AP2A2: variants seen among roughly 807,000 people sequenced by gnomAD.
AP2A2 encodes adaptor related protein complex 2 subunit alpha 2.
AP2A2 carries 32 observed loss-of-function variants against 104.2 expected under a neutral mutation model. The ratio of observed to expected loss-of-function variants is 0.31; its 90% CI spans 0.23 to 0.41. The LOEUF is 0.41. Among genes scored for constraint, AP2A2 ranks in the 10% least tolerant of loss-of-function variants. The pLI, the probability that AP2A2 is intolerant of heterozygous loss-of-function variation, is 1.00. For missense variants in AP2A2, 912 were observed against 1,261.0 expected (o/e 0.72, Z 4.19); for synonymous variants, 539 against 533.3 (o/e 1.01, Z -0.15).
At chr11:995,800 CCT>C (rs1855838814) in intron 14 of AP2A2, among the ~76,000 whole-genome samples, 1 of 142,618 alleles carries the variant, frequency 7.0e-6, no homozygotes, top group Non-Finnish European at 1.5e-5. Flanking sequence ...CCCCCCGTGC[CCT>C]CTCTCTGTGT....
intron 1 of AP2A2, chr11:957,080 T>C (rs879443157): frequency 1.3e-5 from 2 of 152,246 alleles, no homozygotes; most frequent in Non-Finnish European, 2.9e-5. Flanking sequence ...CATGACAGAC[T>C]GTGAATGGAC....
At chr11:997,110 A>G (rs1855881735) in intron 14 of AP2A2, among the ~76,000 whole-genome samples, 1 of 152,156 alleles carries the variant, frequency 6.6e-6, no homozygotes, top group Non-Finnish European at 1.5e-5. Flanking sequence ...TCAGGGTGGC[A>G]TCAGCACATG....
Position 993,872 on chromosome 11 carries a change from A to G in AP2A2, c.1669A>G (p.Thr557Ala). The change falls in exon 13 of 22, where the codon ACC (threonine) becomes GCC (alanine). Residue 557 changes from threonine (T) to alanine (A), a missense_variant. By Grantham distance (58) the Thr-to-Ala change is moderately conservative. Around this residue, in one of 7 missense-constraint regions of AP2A2, gnomAD observed 137 missense variants for 186.9 expected, o/e 0.73. Coordinates refer to ENST00000448903, the MANE Select transcript of AP2A2 (RefSeq NM_012305.4). The surrounding 1 kb of genome is among the most constrained non-coding windows in gnomAD (Gnocchi z 8.2). ...GAACCTCTTCCCGGAGGTGAAGCCC[A>G]CCATCCAGGACGTGCTGCGCAGCGA... is the stretch of plus-strand genomic sequence containing the variant. Reference protein sequence around the residue: ...FVNLFPEVKPTIQDVLRSDSQ... With the variant: ...FVNLFPEVKPAIQDVLRSDSQ... 1 of 1,610,138 alleles carries G rather than the reference A, an allele frequency of 6.2e-7. No homozygotes were observed. The highest frequency in any genetic ancestry group is 8.5e-7 in the Non-Finnish European group (1 of 1,179,670).
chr11:929,746 G>A (rs1853229298), intron 1 of AP2A2, among the ~76,000 whole-genome samples: 2 of 151,852 alleles, frequency 1.3e-5, no homozygotes, highest in Non-Finnish European at 2.9e-5. Flanking sequence ...CCATGAACTC[G>A]GATTGCGCCA....
rs1202941145 is a variant in AP2A2 at position 981,265 on chromosome 11, C to G, written c.671C>G (p.Thr224Ser). 2.5e-6 allele frequency: 4 copies of G among 1,613,588 alleles called. No homozygotes were observed. Among genetic ancestry groups the G allele is most frequent in the Non-Finnish European group, 3.4e-6 (4 of 1,179,744 alleles). Residue 224 changes from threonine to serine, a missense_variant, in exon 6 of 22, where the codon ACC becomes AGC. Coordinates refer to ENST00000448903, the MANE Select transcript of AP2A2 (RefSeq NM_012305.4). ...LAQKNPEEFKTSVSLAVSRLS... is the reference protein window; with the variant it reads ...LAQKNPEEFKSSVSLAVSRLS... ...CAGAAGAACCCAGAAGAGTTTAAAA[C>G]CTCCGTGTCTCTGGCTGTCTCTAGG...
intron 5 of AP2A2, among the ~76,000 whole-genome samples, chr11:977,528 G>A (rs949846722): frequency 1.4e-5 from 2 of 146,770 alleles, no homozygotes; most frequent in African/African-American, 5.1e-5. Flanking sequence ...CCTGCCTGGT[G>A]TCCCGGCTGC....
intron 14 of AP2A2, among the ~76,000 whole-genome samples, chr11:996,815 C>A (rs115218575): frequency 7.0e-6 from 1 of 142,996 alleles, no homozygotes; most frequent in African/African-American, 2.5e-5. Context: ...TGTCTGTGGC[C>A]GAGGCACGCA....
At chr11:930,052 C>T (rs887860930) in intron 1 of AP2A2, among the ~76,000 whole-genome samples, 1 of 137,624 alleles carries the variant, frequency 7.3e-6, no homozygotes, top group Non-Finnish European at 1.5e-5. Context: ...ACCCAGGAGG[C>T]GGAGCTTGCA....
chr11:971,269 G>C (rs985297396), intron 3 of AP2A2, among the ~76,000 whole-genome samples: 11 of 151,948 alleles, frequency 7.2e-5, no homozygotes, highest in Non-Finnish European at 1.6e-4. Context: ...TGGGTGTGTT[G>C]AGCTGAGGCT....
intron 16 of AP2A2, among the ~76,000 whole-genome samples, chr11:1,005,160 C>T (rs7395515): frequency 0.48 from 73,770 of 152,142 alleles, 18,826 homozygotes; most frequent in Admixed American, 0.64. Flanking sequence ...AGCCATCAAA[C>T]GGCAGAAAGG....
In AP2A2 at chr11:992,782, G is replaced by A; in HGVS notation, c.1452+97G>A. Reference sequence around the variant, plus strand: ...GCCTGCCTGCGTGGAGGTGCCGAGGGCCGTTGCTGACCCCTCTTGCCCCTC... The same window carrying A: ...GCCTGCCTGCGTGGAGGTGCCGAGGACCGTTGCTGACCCCTCTTGCCCCTC... On this transcript the variant is annotated intron_variant, in intron 11 of 21. Coordinates refer to ENST00000448903, the MANE Select transcript of AP2A2 (RefSeq NM_012305.4). The surrounding 1 kb of genome is among the most constrained non-coding windows in gnomAD (Gnocchi z 6.4). 7.2e-7 allele frequency: 1 copy of A among 1,387,206 alleles called. No homozygotes were observed. Among genetic ancestry groups the A allele is most frequent in the South Asian group, 1.3e-5 (1 of 79,808 alleles). 85.9% of individuals were successfully genotyped at this position (1,387,206 alleles called of 1,614,324 possible).
chr11:951,145 T>G (rs1173526674), intron 1 of AP2A2, among the ~76,000 whole-genome samples: 1 of 151,558 alleles, frequency 6.6e-6, no homozygotes, highest in Admixed American at 6.6e-5. Flanking sequence ...CCAAATAGAT[T>G]TACGAATGTT....
At chr11:936,012 C>T (rs1853446766) in intron 1 of AP2A2, among the ~76,000 whole-genome samples, 2 of 151,080 alleles carry the variant, frequency 1.3e-5, no homozygotes, top group Admixed American at 1.3e-4. Context: ...TGCCATTCTT[C>T]TGCCTCAGCC....
In AP2A2 at chr11:1,010,663, T is replaced by C. The variant is rs1856396927; in HGVS notation, c.*38T>C. 1 of 1,513,136 alleles carries C rather than the reference T, an allele frequency of 6.6e-7. No individual in the cohort carries two copies. Among genetic ancestry groups the C allele is most frequent in the Non-Finnish European group, 9.0e-7 (1 of 1,108,452 alleles). 93.7% of individuals were successfully genotyped at this position (1,513,136 alleles called of 1,614,324 possible). A position where few individuals can be genotyped will look rare whatever the true frequency, so the allele number is the denominator to read the frequency against. On this transcript the variant is annotated 3_prime_UTR_variant, in exon 22 of 22. Coordinates refer to ENST00000448903, the MANE Select transcript of AP2A2 (RefSeq NM_012305.4). ...AAGACCAGGCTCGTGTGTCTTGTGT[T>C]GTCTTCGTCTGTGCCGTTTGTCTTC... is the stretch of plus-strand genomic sequence containing the variant.
intron 1 of AP2A2, among the ~76,000 whole-genome samples, chr11:950,128 AG>A (rs2134520122): frequency 6.6e-6 from 1 of 152,290 alleles, no homozygotes; most frequent in East Asian, 1.9e-4. Context: ...GTGGGGGAAA[AG>A]AATAGTCTTA....
chr11:990,074 G>A (rs1179336594), intron 10 of AP2A2, among the ~76,000 whole-genome samples: 1 of 152,180 alleles, frequency 6.6e-6, no homozygotes, highest in Non-Finnish European at 1.5e-5. Context: ...GTGAACGGAG[G>A]AGCCCAGGTG....
chr11:966,799 G>A (rs917871657), intron 2 of AP2A2, among the ~76,000 whole-genome samples: 2 of 152,136 alleles, frequency 1.3e-5, no homozygotes, highest in Non-Finnish European at 2.9e-5. Context: ...CCAACTTTCA[G>A]GTCAAGAGAA....
chr11:926,409 G>A (rs1853123766), intron 1 of AP2A2, among the ~76,000 whole-genome samples: 1 of 151,572 alleles, frequency 6.6e-6, no homozygotes, highest in Non-Finnish European at 1.5e-5. Context: ...AGGGTCTAGG[G>A]GTGCGGGGTC....
chr11:931,647 A>G (rs1295696423), intron 1 of AP2A2, among the ~76,000 whole-genome samples: 1 of 152,164 alleles, frequency 6.6e-6, no homozygotes, highest in Non-Finnish European at 1.5e-5. Flanking sequence ...AAGGGGAAAC[A>G]GATGGAGAGA....
Sources: allele counts gnomAD v4.1 joint callset (sites outside exome capture counted in the v4.1 genomes callset), GRCh38; gene constraint gnomAD v4.1.1; regional missense constraint gnomAD v4.1.1; non-coding constraint Gnocchi (gnomAD v3.1); transcripts MANE v1.5; gene names NCBI Gene and HGNC (gene_info 2026-07-23, HGNC 2026-07-21).